NME7: variants seen among roughly 807,000 people sequenced by gnomAD.
NME7 encodes the protein nucleoside diphosphate kinase 7.
In NME7, 41 loss-of-function variants were observed where a neutral mutation model predicts 49.1. The ratio of observed to expected loss-of-function variants is 0.83; its 90% confidence interval spans 0.65 to 1.08. The LOEUF (loss-of-function observed/expected upper bound fraction) is 1.08. NME7 is among the 50% of genes least tolerant of loss of function. The pLI, the probability that NME7 is intolerant of heterozygous loss-of-function variation, is 0.00. For missense variants in NME7, 423 were observed against 463.4 expected, an observed-to-expected ratio of 0.91 and a Z score of 0.80; for synonymous variants, 139 against 150.6, an observed-to-expected ratio of 0.92 and a Z score of 0.56.
At chr1:169,223,790 G>T (rs718032) in intron 10 of NME7, among the ~76,000 whole-genome samples, 32,863 of 150,286 alleles carry the variant, frequency 0.22, 3,717 homozygotes, top group Admixed American at 0.33. Context: ...TATATATAGA[G>T]AGAGAGAGAG....
intron 11 of NME7, among the ~76,000 whole-genome samples, chr1:169,165,702 T>C (rs1331146073): frequency 6.6e-6 from 1 of 152,234 alleles, no homozygotes; most frequent in African/African-American, 2.4e-5. Flanking sequence ...TGAAGACCTA[T>C]AGCCAGATAC....
At chr1:169,236,510 T>C (rs1481923253) in intron 8 of NME7, among the ~76,000 whole-genome samples, 1 of 152,158 alleles carries the variant, frequency 6.6e-6, no homozygotes, top group African/African-American at 2.4e-5. Flanking sequence ...AAACTGTAGA[T>C]CTAGAATTAG....
At chr1:169,310,400 A>T (rs1344988905) in intron 3 of NME7, among the ~76,000 whole-genome samples, 1 of 152,202 alleles carries the variant, frequency 6.6e-6, no homozygotes, top group African/African-American at 2.4e-5. Flanking sequence ...AATACATTTT[A>T]TACAAAGGAC....
chr1:169,306,983 G>C (rs964081662), intron 4 of NME7, among the ~76,000 whole-genome samples: 3 of 152,180 alleles, frequency 2.0e-5, no homozygotes, highest in Admixed American at 1.3e-4. Context: ...CCAACTGTCA[G>C]GAGACACTGG....
At chr1:169,355,090 C>T (rs188511076) in intron 1 of NME7, among the ~76,000 whole-genome samples, 11,921 of 33,558 alleles carry the variant, frequency 0.36, 3,029 homozygotes, top group East Asian at 0.61. Flanking sequence ...ATATAATATA[C>T]TATATATTAT....
chr1:169,170,387 G>A (rs61806188), intron 10 of NME7, among the ~76,000 whole-genome samples: 1 of 152,180 alleles, frequency 6.6e-6, no homozygotes, highest in Non-Finnish European at 1.5e-5. Flanking sequence ...CAAAGATTCT[G>A]AGCAGCACTC....
intron 7 of NME7, among the ~76,000 whole-genome samples, chr1:169,280,017 A>G (rs908520160): frequency 1.3e-5 from 2 of 152,230 alleles, no homozygotes; most frequent in Non-Finnish European, 2.9e-5. Context: ...TTCCAATTCT[A>G]GATCCTTGAG....
intron 7 of NME7, among the ~76,000 whole-genome samples, chr1:169,253,823 T>C (rs1332455435): frequency 6.6e-6 from 1 of 151,520 alleles, no homozygotes; most frequent in Non-Finnish European, 1.5e-5. Context: ...GAGATAATCA[T>C]GTGGTTTTTG....
chr1:169,224,588 A>G (rs143275947), intron 10 of NME7, among the ~76,000 whole-genome samples: 19 of 152,312 alleles, frequency 1.2e-4, no homozygotes, highest in Non-Finnish European at 1.0e-4. Flanking sequence ...ATGTCATACT[A>G]CAATATGAGT....
intron 5 of NME7, 141 bp from the exon 6 acceptor site, chr1:169,298,904 T>G (rs1456909001): frequency 1.3e-6 from 1 of 770,396 alleles, no homozygotes; most frequent in Non-Finnish European, 2.0e-6. Flanking sequence ...ATAGTTAATT[T>G]TACATGGGCA....
intron 10 of NME7, among the ~76,000 whole-genome samples, chr1:169,183,071 G>A (rs960929053): frequency 6.6e-6 from 1 of 152,340 alleles, no homozygotes; most frequent in Middle Eastern, 3.4e-3. Flanking sequence ...AGCTCTGAAA[G>A]TAACTTGCTC....
At chr1:169,190,399 C>A (rs1660184050) in intron 10 of NME7, among the ~76,000 whole-genome samples, 1 of 151,002 alleles carries the variant, frequency 6.6e-6, no homozygotes, top group Admixed American at 6.6e-5. Context: ...TATAAAAAGA[C>A]AATGGTTTGA....
intron 4 of NME7, among the ~76,000 whole-genome samples, chr1:169,306,963 T>C (rs1651194612): frequency 1.3e-5 from 2 of 152,318 alleles, no homozygotes; most frequent in Middle Eastern, 3.4e-3. Flanking sequence ...ACAGAGATGT[T>C]GAAGTCATCC....
intron 1 of NME7, among the ~76,000 whole-genome samples, chr1:169,336,217 G>A (rs1000367324): frequency 1.9e-4 from 29 of 152,182 alleles, no homozygotes; most frequent in Admixed American, 6.5e-4. Flanking sequence ...CAGGAGTGAA[G>A]CTGCAGATCT....
chr1:169,256,948 G>A (rs1252782368), intron 7 of NME7, among the ~76,000 whole-genome samples: 1 of 128,316 alleles, frequency 7.8e-6, no homozygotes, highest in Admixed American at 7.7e-5. Context: ...CATGCTGGGA[G>A]AACCACTGCT....
In NME7 at chr1:169,230,834, A is replaced by G. The variant is rs1647582228; in HGVS notation, c.889-15T>C. On this transcript the variant is annotated splice_polypyrimidine_tract_variant and intron_variant, in intron 9 of 11. Transcript: ENST00000367811. ...GTCACCATGTCCTATGATATGTAAT[A>G]TAAAAGAATGAAAAGAATTTAACAA... 6.7e-7 allele frequency: 1 copy of G among 1,497,532 alleles called. No homozygotes were observed. Among genetic ancestry groups the G allele is most frequent in the Non-Finnish European group, 9.0e-7 (1 of 1,106,770 alleles). The allele number at this position is 1,497,532 out of a possible 1,614,324, so 92.8% of individuals were successfully genotyped here. A position where few individuals can be genotyped will look rare whatever the true frequency, so the allele number is the denominator to read the frequency against.
chr1:169,151,843 G>C (rs1232916930), intron 11 of NME7, among the ~76,000 whole-genome samples: 1 of 151,996 alleles, frequency 6.6e-6, no homozygotes, highest in Non-Finnish European at 1.5e-5. Context: ...TCCTCCCTCG[G>C]GTTCATTGCC....
At chr1:169,304,866 C>A (rs377364321) in intron 4 of NME7, among the ~76,000 whole-genome samples, 1 of 152,036 alleles carries the variant, frequency 6.6e-6, no homozygotes, top group Non-Finnish European at 1.5e-5. Context: ...AAAAGAGATA[C>A]GTATATACTG....
At chr1:169,234,192 C>T (rs570511929) in intron 9 of NME7, among the ~76,000 whole-genome samples, 1 of 152,112 alleles carries the variant, frequency 6.6e-6, no homozygotes, top group Non-Finnish European at 1.5e-5. Flanking sequence ...AAAAAACAAC[C>T]TTTCTGTTTC....
Sources: gnomAD v4.1 joint callset for allele counts (sites outside exome capture counted in the v4.1 genomes callset) on GRCh38, gnomAD v4.1.1 for gene constraint, MANE v1.5 for transcripts, NCBI Gene and HGNC (gene_info 2026-07-23, HGNC 2026-07-21) for gene names.